HIRA: variants seen among roughly 807,000 people sequenced by gnomAD.
HIRA encodes the protein protein HIRA.
Under a neutral mutation model 126.6 loss-of-function variants are expected in HIRA, and 13 were observed. The observed-to-expected ratio is 0.10, with a 90% confidence interval of 0.07 to 0.16. The LOEUF is 0.16. Ranked by LOEUF, HIRA falls within the 10% of genes least tolerant of loss-of-function variation. HIRA has a pLI of 1.00. For synonymous variants in HIRA, 511 were observed against 520.0 expected, an observed-to-expected ratio of 0.98 and a Z score of 0.24; for missense variants, 834 against 1,314.4, an observed-to-expected ratio of 0.63 and a Z score of 5.65.
intron 16 of HIRA, 91 bp downstream of exon 16, chr22:19,361,636 C>T: frequency 7.5e-7 from 1 of 1,327,878 alleles, no homozygotes; most frequent in Non-Finnish European, 1.1e-6. Context: ...AGGTGACCCA[C>T]CCAGCTGAGG....
intron 1 of HIRA, among the ~76,000 whole-genome samples, chr22:19,413,359 CACTT>C (rs1464080106): frequency 6.6e-6 from 1 of 152,104 alleles, no homozygotes; most frequent in Non-Finnish European, 1.5e-5. Flanking sequence ...TTAGCCCTGC[CACTT>C]ACCCAGCTAC....
At chr22:19,409,024 A>G (rs562229288) in intron 2 of HIRA, among the ~76,000 whole-genome samples, 48 of 152,216 alleles carry the variant, frequency 3.2e-4, no homozygotes, top group Non-Finnish European at 4.7e-4. Flanking sequence ...CACCCTAAAA[A>G]GCAAACAGAA....
rs782725562 is a variant in HIRA at position 19,353,332 on chromosome 22, G to A, written c.2848+24C>T. 2.5e-6 allele frequency: 4 copies of A among 1,611,962 alleles called. No homozygotes were observed. The African/African-American group carries it at 4.0e-5, about 16-fold the overall frequency. ...GATGGAGGGGCAGAAGGAGAAGGCT[G>A]CTCAGGGCTGCCAGGAGCCTCACCT... On this transcript the variant is annotated intron_variant, in intron 23 of 24. Coordinates refer to ENST00000263208, the MANE Select transcript of HIRA (RefSeq NM_003325.4).
chr22:19,398,459 GAC>G (rs900303646), intron 5 of HIRA, among the ~76,000 whole-genome samples: 7 of 152,180 alleles, frequency 4.6e-5, no homozygotes, highest in African/African-American at 9.7e-5. Flanking sequence ...CTGAGCATGA[GAC>G]ACAGTGGGTA....
intron 17 of HIRA, 81 bp from the exon 18 acceptor site, chr22:19,359,565 C>T (rs1032860733): frequency 4.3e-6 from 6 of 1,381,974 alleles, no homozygotes; most frequent in African/African-American, 3.0e-5. Context: ...TAGCCTGGGG[C>T]CCCAAGGCAG....
chr22:19,361,562 T>C (rs1215598238), intron 16 of HIRA, among the ~76,000 whole-genome samples, 165 bp downstream of exon 16: 3 of 152,220 alleles, frequency 2.0e-5, no homozygotes, highest in Admixed American at 2.0e-4. Context: ...AGGGCACATC[T>C]GAGGGAGAGC....
chr22:19,378,150 G>T, intron 13 of HIRA, 84 bp from the exon 14 acceptor site: 1 of 1,008,586 alleles, frequency 9.9e-7, no homozygotes. Context: ...CTTTTTTCTA[G>T]GTCCAAAGGC....
chr22:19,367,967 T>C (rs1449355066), intron 15 of HIRA, among the ~76,000 whole-genome samples: 1 of 152,156 alleles, frequency 6.6e-6, no homozygotes, highest in African/African-American at 2.4e-5. Context: ...TTTGAAGAAG[T>C]TGGTAAATGT....
At chr22:19,386,779 G>A (rs1273233322) in intron 11 of HIRA, among the ~76,000 whole-genome samples, 1 of 152,234 alleles carries the variant, frequency 6.6e-6, no homozygotes, top group Admixed American at 6.5e-5. Flanking sequence ...GGTACCTGAT[G>A]ACAGTGACAA....
At chr22:19,353,221 T>G in intron 23 of HIRA, 135 bp downstream of exon 23, 2 of 1,073,928 alleles carry the variant, frequency 1.9e-6, no homozygotes, top group South Asian at 2.8e-5. Context: ...TGAGCTGCCT[T>G]GACTGCAGCT....
intron 1 of HIRA, among the ~76,000 whole-genome samples, chr22:19,411,947 C>A (rs996885016): frequency 6.6e-6 from 1 of 152,208 alleles, no homozygotes; most frequent in Middle Eastern, 3.2e-3. Context: ...CAGGCAGCAC[C>A]CAGCTGTGGA....
chr22:19,365,456 C>T (rs1166115771), intron 15 of HIRA, among the ~76,000 whole-genome samples: 1 of 152,176 alleles, frequency 6.6e-6, no homozygotes, highest in Non-Finnish European at 1.5e-5. Context: ...TACTCATTAA[C>T]TATTCCAAAA....
At chr22:19,407,559 A>G (rs1325901829) in intron 3 of HIRA, among the ~76,000 whole-genome samples, 1 of 152,248 alleles carries the variant, frequency 6.6e-6, no homozygotes, top group East Asian at 1.9e-4. Flanking sequence ...TAAGAAAATC[A>G]AAAAATGATA....
chr22:19,339,808 T>C lies in HIRA; in HGVS notation c.2938-8252A>G, dbSNP rs181932518. On this transcript the variant is annotated intron_variant, in intron 24 of 24. Transcript: ENST00000263208. Reference sequence around the variant, plus strand: ...AATTCCTGGAAATATATAACCCTCCTAGATTCATTCAGGAAAAAATAGAAA... The same window carrying C: ...AATTCCTGGAAATATATAACCCTCCCAGATTCATTCAGGAAAAAATAGAAA... Among the ~76,000 whole-genome samples the C allele has an allele frequency of 5.2e-3, 786 of 152,270 alleles. 8 individuals carry two copies. Among genetic ancestry groups the C allele is most frequent in the African/African-American group, 0.018 (738 of 41,546 alleles).
chr22:19,371,437 GGTTT>G (rs1448831869), intron 15 of HIRA, among the ~76,000 whole-genome samples: 1 of 151,680 alleles, frequency 6.6e-6, no homozygotes, highest in African/African-American at 2.4e-5. Context: ...TTCCAAATCT[GGTTT>G]TTTTTTGATA....
chr22:19,407,215 C>T lies in HIRA; in HGVS notation c.271G>A (p.Asp91Asn), dbSNP rs1455318380. Residue 91 changes from aspartate (D) to asparagine (N), a missense_variant, in exon 4 of 25, where the codon GAC becomes AAC. Coordinates refer to ENST00000263208, the MANE Select transcript of HIRA (RefSeq NM_003325.4). ...CGCTTCCACACCATAATCAGTTTGT[C>T]ATCTCCCCCAGAAGCTAAATACATC... Reference protein sequence around the residue: ...SGMYLASGGDDKLIMVWKRAT... With the variant: ...SGMYLASGGDNKLIMVWKRAT... 1 of 1,613,962 alleles carries T rather than the reference C, an allele frequency of 6.2e-7. No individual in the cohort carries two copies. The highest frequency in any genetic ancestry group is 8.5e-7 in the Non-Finnish European group (1 of 1,179,916).
At chr22:19,354,532 T>G (rs2088791674) in intron 21 of HIRA, among the ~76,000 whole-genome samples, 1 of 152,218 alleles carries the variant, frequency 6.6e-6, no homozygotes. Context: ...CTGCCTGTAT[T>G]TCTACAACTA....
chr22:19,347,160 G>A (rs762606481), intron 24 of HIRA, among the ~76,000 whole-genome samples: 62 of 152,184 alleles, frequency 4.1e-4, no homozygotes, highest in Middle Eastern at 3.2e-3. Context: ...ATGGCTCATC[G>A]GCCTGTCCTG....
At chr22:19,396,723 AC>A in intron 7 of HIRA, 63 bp downstream of exon 7, 1 of 1,562,974 alleles carries the variant, frequency 6.4e-7, no homozygotes, top group Non-Finnish European at 8.8e-7. Flanking sequence ...CTCTCTGTAC[AC>A]AGAAGTCAGG....
Sources: allele counts gnomAD v4.1 joint callset (sites outside exome capture counted in the v4.1 genomes callset), GRCh38; gene constraint gnomAD v4.1.1; transcripts MANE v1.5; gene names NCBI Gene and HGNC (gene_info 2026-07-23, HGNC 2026-07-21).